CTR9: variants seen among roughly 807,000 people sequenced by gnomAD.
CTR9 encodes CTR9 component of Paf1/RNA polymerase II complex.
Under a neutral mutation model 152.1 loss-of-function variants are expected in CTR9, and 41 were observed. The observed-to-expected ratio is 0.27, with a 90% CI of 0.21 to 0.35. The LOEUF is 0.35. CTR9 is among the 10% of genes least tolerant of loss of function. The pLI is 1.00. For missense variants in CTR9, 917 were observed against 1,424.4 expected (o/e 0.64, Z 5.73); for synonymous variants, 476 against 496.2 (o/e 0.96, Z 0.54).
Position 10,775,623 on chromosome 11 carries a change from G to A in CTR9, c.3085G>A (p.Ala1029Thr), listed in dbSNP as rs975452058. 3 of 1,601,966 alleles carry A rather than the reference G, an allele frequency of 1.9e-6. No homozygotes were observed. Among genetic ancestry groups the A allele is most frequent in the Non-Finnish European group, 2.6e-6 (3 of 1,170,476 alleles). The change falls in exon 24 of 25, where the codon GCT (alanine) becomes ACT (threonine). Residue 1029 changes from alanine (A) to threonine (T), a missense_variant. Around this residue, in one of 9 missense-constraint regions of CTR9, gnomAD observed 384 missense variants for 398.4 expected, o/e 0.96. Transcript: ENST00000361367. ...TTCGGATGAGGATAAACTTAAAATT[G>A]CTGATGAAGGGTAGGATATTTTCTC... ...DSSDEDKLKI[A>T]DEGHPRNSNS...
At chr11:10,776,014 A>G (rs1390454530) in intron 24 of CTR9, among the ~76,000 whole-genome samples, 1 of 152,216 alleles carries the variant, frequency 6.6e-6, no homozygotes, top group East Asian at 1.9e-4. Context: ...TGACACACTA[A>G]AAGTGTTACA....
intron 12 of CTR9, 74 bp from the exon 13 acceptor site, chr11:10,766,328 A>G: frequency 3.3e-6 from 4 of 1,230,332 alleles, no homozygotes; most frequent in South Asian, 1.3e-5. Flanking sequence ...AAATTGTTTC[A>G]AAAGTATGAC....
chr11:10,756,804 T>C lies in CTR9; in HGVS notation c.558T>C (p.Tyr186=). 6.2e-7 allele frequency: 1 copy of C among 1,612,602 alleles called. No individual in the cohort carries two copies. The highest frequency in any genetic ancestry group is 8.5e-7 in the Non-Finnish European group (1 of 1,179,368). ...ATTACAGAGGAGCTCTTGCTTACTA[T>C]AAGAAAGCATTGCGTACTAACCCAG... ...KKDYRGALAY[Y]KKALRTNPGC... is the part of the protein sequence containing the mutation. Residue 186 remains tyrosine (Y), a synonymous_variant, in exon 5 of 25, where the codon TAT becomes TAC. Transcript: ENST00000361367.
chr11:10,764,488 C>T (rs752974097), intron 11 of CTR9, 52 bp downstream of exon 11: 15 of 1,176,536 alleles, frequency 1.3e-5, no homozygotes, highest in Non-Finnish European at 1.8e-5. Flanking sequence ...GTTGCATGCA[C>T]ACCTTTTTAA....
At chr11:10,770,899 G>A (rs905911302) in intron 18 of CTR9, among the ~76,000 whole-genome samples, 2 of 152,166 alleles carry the variant, frequency 1.3e-5, no homozygotes, top group Admixed American at 6.5e-5. Flanking sequence ...AGAACTGGCT[G>A]GCTAGCTTTG....
intron 24 of CTR9, 53 bp downstream of exon 24, chr11:10,775,686 T>G: frequency 8.4e-7 from 1 of 1,193,780 alleles, no homozygotes. Context: ...AAATCAAAAG[T>G]GATTACTAAT....
In CTR9 at chr11:10,764,727, T is replaced by C. The variant is rs987213015; in HGVS notation, c.1593T>C (p.Val531=). The part of the protein sequence containing the change: ...KNILREHPNY[V]DCYLRLGAMA... ...TCTTACGCGAACATCCTAATTATGTTGACTGTAAGGATTTTAAACTTCTTT... is the reference window on the plus strand; with the variant it reads ...TCTTACGCGAACATCCTAATTATGTCGACTGTAAGGATTTTAAACTTCTTT... Residue 531 remains valine, a synonymous_variant, in exon 12 of 25, where the codon GTT becomes GTC. Transcript: ENST00000361367. The C allele has an allele frequency of 1.9e-6, 3 of 1,591,572 alleles. No homozygotes were observed. Among genetic ancestry groups the C allele is most frequent in the African/African-American group, 2.7e-5 (2 of 74,542 alleles).
chr11:10,757,341 G>C (rs1209799998), intron 5 of CTR9, among the ~76,000 whole-genome samples: 1 of 151,350 alleles, frequency 6.6e-6, no homozygotes, highest in Non-Finnish European at 1.5e-5. Context: ...TGTAATCTCA[G>C]CACTTTGGGA....
In CTR9 at chr11:10,771,626, C is replaced by T. The variant is rs765859153; in HGVS notation, c.2444+10C>T. The T allele has an allele frequency of 3.7e-6, 6 of 1,601,558 alleles. No homozygotes were observed. The highest frequency in any genetic ancestry group is 5.1e-6 in the Non-Finnish European group (6 of 1,168,756). ...CTGCTACAGAAGCCAGGTAATGTTA[C>T]TATTTATGGAAGGTGACTTTGGGTG... On this transcript the variant is annotated intron_variant, in intron 19 of 24. Coordinates refer to ENST00000361367, the MANE Select transcript of CTR9 (RefSeq NM_014633.5).
At position 10,773,282 on chromosome 11, in the gene CTR9, T is replaced by C. The variant is rs1435110394; in HGVS notation, c.2727+9T>C. On this transcript the variant is annotated intron_variant, in intron 21 of 24. Coordinates refer to ENST00000361367, the MANE Select transcript of CTR9 (RefSeq NM_014633.5). ...GTGGTGGTGGTGGACGGGTAAGATATAATTCCTGCTAGCACAAGTGACCTC... is the reference window on the plus strand; with the variant it reads ...GTGGTGGTGGTGGACGGGTAAGATACAATTCCTGCTAGCACAAGTGACCTC... 4 of 1,608,470 alleles carry C rather than the reference T, an allele frequency of 2.5e-6. No individual in the cohort carries two copies. The Admixed American group carries it at 5.2e-5, about 21-fold the overall frequency.
In CTR9 at chr11:10,756,803, A is replaced by C. The variant is rs766474577; in HGVS notation, c.557A>C (p.Tyr186Ser). 3 of 1,612,318 alleles carry C rather than the reference A, an allele frequency of 1.9e-6. No homozygotes were observed. The highest frequency in any genetic ancestry group is 2.5e-6 in the Non-Finnish European group (3 of 1,179,278). The stretch of plus-strand genomic sequence containing the variant: ...GATTACAGAGGAGCTCTTGCTTACT[A>C]TAAGAAAGCATTGCGTACTAACCCA... ...KKDYRGALAY[Y>S]KKALRTNPGC... Residue 186 changes from tyrosine to serine, a missense_variant, in exon 5 of 25, where the codon TAT (tyrosine) becomes TCT (serine). Coordinates refer to ENST00000361367, the MANE Select transcript of CTR9 (RefSeq NM_014633.5).
intron 12 of CTR9, 127 bp downstream of exon 12, chr11:10,764,858 C>G: frequency 1.2e-6 from 1 of 827,268 alleles, no homozygotes; most frequent in Non-Finnish European, 1.8e-6. Flanking sequence ...CCCCATTTCT[C>G]CAGGGCAAAT....
chr11:10,773,099 G>T, intron 20 of CTR9, 28 bp from the exon 21 acceptor site: 1 of 1,580,680 alleles, frequency 6.3e-7, no homozygotes, highest in Non-Finnish European at 8.5e-7. Context: ...TTGCAGTGGG[G>T]TTTCTTTTCT....
intron 21 of CTR9, among the ~76,000 whole-genome samples, 198 bp from the exon 22 acceptor site, chr11:10,773,814 G>A (rs1863183694): frequency 6.6e-6 from 1 of 151,436 alleles, no homozygotes; most frequent in South Asian, 2.1e-4. Flanking sequence ...GAACCCAAGA[G>A]GCAGAGGTTG....
intron 12 of CTR9, 75 bp from the exon 13 acceptor site, chr11:10,766,327 C>T (rs1590022694): frequency 1.0e-4 from 126 of 1,209,266 alleles, no homozygotes; most frequent in Non-Finnish European, 1.4e-4. Flanking sequence ...AAAATTGTTT[C>T]AAAAGTATGA....
chr11:10,766,611 AT>A, intron 13 of CTR9, 121 bp downstream of exon 13: 1 of 684,640 alleles, frequency 1.5e-6, no homozygotes, highest in Non-Finnish European at 2.4e-6. Context: ...TTTTGTTTTC[AT>A]TTACTTGTTA....
chr11:10,769,626 A>G (rs1453185119), intron 16 of CTR9, among the ~76,000 whole-genome samples: 1 of 152,188 alleles, frequency 6.6e-6, no homozygotes, highest in Non-Finnish European at 1.5e-5. Context: ...CAAATTAACT[A>G]CTAGGGATAT....
chr11:10,751,627 A>G (rs1862803724), intron 1 of CTR9, among the ~76,000 whole-genome samples, 170 bp downstream of exon 1: 1 of 152,098 alleles, frequency 6.6e-6, no homozygotes, highest in Non-Finnish European at 1.5e-5. Context: ...GTGCCCTCTC[A>G]GGCTGGGGGC....
chr11:10,752,859 TGCATGGTAG>T, intron 2 of CTR9, 89 bp downstream of exon 2: 1 of 1,000,938 alleles, frequency 1.0e-6, no homozygotes, highest in Non-Finnish European at 1.6e-6. Flanking sequence ...CCAGCTTGGC[TGCATGGTAG>T]ATTAGTTATA....
Sources: gnomAD v4.1 joint callset for allele counts (sites outside exome capture counted in the v4.1 genomes callset) on GRCh38, gnomAD v4.1.1 for gene constraint, gnomAD v4.1.1 regional missense constraint, MANE v1.5 for transcripts, NCBI Gene and HGNC (gene_info 2026-07-23, HGNC 2026-07-21) for gene names.